ZNF800: variants seen among roughly 807,000 people sequenced by gnomAD.
ZNF800 encodes zinc finger protein 800.
In ZNF800, 13 loss-of-function variants were observed where a neutral mutation model predicts 59.5. The observed-to-expected ratio is 0.22, with a 90% CI of 0.14 to 0.35. The LOEUF is 0.35. Ranked by LOEUF, ZNF800 falls within the 10% of genes least tolerant of loss-of-function variation. The pLI, the probability that ZNF800 is intolerant of heterozygous loss-of-function variation, is 1.00. For missense variants in ZNF800, 621 were observed against 783.7 expected, an observed-to-expected ratio of 0.79 and a Z score of 2.48; for synonymous variants, 266 against 265.7, an observed-to-expected ratio of 1.00 and a Z score of -0.01.
In ZNF800 at chr7:127,377,099, T is replaced by C; in HGVS notation, c.301+87A>G. 8.4e-7 allele frequency: 1 copy of C among 1,193,036 alleles called. No homozygotes were observed. Among genetic ancestry groups the C allele is most frequent in the Non-Finnish European group, 1.2e-6 (1 of 867,050 alleles). The allele number at this position is 1,193,036 out of a possible 1,614,324, so 73.9% of individuals were successfully genotyped here. ...ACATCATTATCAAATTATCAGTAACTAGATACAATTTTAATGCAAATGTAT... is the reference window on the plus strand; with the variant it reads ...ACATCATTATCAAATTATCAGTAACCAGATACAATTTTAATGCAAATGTAT... On this transcript the variant is annotated intron_variant, in intron 4 of 5. Coordinates refer to ENST00000265827, the MANE Select transcript of ZNF800 (RefSeq NM_176814.5). This position sits in a 1 kb window ranked among gnomAD's most constrained non-coding sequence, Gnocchi z 4.7.
chr7:127,374,558 G>C lies in ZNF800; in HGVS notation c.778C>G (p.Leu260Val), dbSNP rs757954651. Reference sequence around the variant, plus strand: ...TTTCGTGTTTCAATGTACTTTTTTAGTTCTTCCATCTTTTTCTTGTGTACT... The same window carrying C: ...TTTCGTGTTTCAATGTACTTTTTTACTTCTTCCATCTTTTTCTTGTGTACT... Reference protein sequence around the residue: ...RKVHKKKMEELKKYIETRKNP... With the variant: ...RKVHKKKMEEVKKYIETRKNP... Residue 260 changes from leucine to valine, a missense_variant, in exon 5 of 6, where the codon CTA becomes GTA. By Grantham distance (32) the Leu-to-Val change is conservative (BLOSUM62 1). Coordinates refer to ENST00000265827, the MANE Select transcript of ZNF800 (RefSeq NM_176814.5). 6.2e-7 allele frequency: 1 copy of C among 1,614,080 alleles called. No individual in the cohort carries two copies.
chr7:127,343,408 T>C (rs942259248), downstream of ZNF800, among the ~76,000 whole-genome samples: 19 of 151,716 alleles, frequency 1.3e-4, no homozygotes, highest in African/African-American at 4.3e-4. Flanking sequence ...ATTATAATTA[T>C]ATATAGACAA....
rs889066625 is a variant in ZNF800, at chr7:127,357,413, C to T, written n.225-9370G>A. On this transcript the variant is annotated intron_variant and non_coding_transcript_variant, in intron 1 of 1. Transcript: ENST00000485577. ...GTACCTTTATTCCCTTAGACTCTGG[C>T]TATGGATACTAAATTACTTAAGTTT... Among the ~76,000 whole-genome samples the T allele has an allele frequency of 4.6e-5, 7 of 152,060 alleles. 1 individual carries two copies. Among genetic ancestry groups the T allele is most frequent in the Admixed American group, 2.0e-4 (3 of 15,240 alleles).
intron 1 of ZNF800, chr7:127,361,897 CATT>C (rs1800400202): frequency 6.6e-6 from 1 of 152,084 alleles, no homozygotes; most frequent in South Asian, 2.1e-4. Context: ...AACAGAGTTT[CATT>C]ATTAAGCTTT....
chr7:127,391,683 G>C, intron 1 of ZNF800, 68 bp from the exon 2 acceptor site: 1 of 788,992 alleles, frequency 1.3e-6, no homozygotes. Context: ...GCATTTTCCA[G>C]ATACGTTCCC....
intron 3 of ZNF800, among the ~76,000 whole-genome samples, chr7:127,384,131 TA>T (rs1801057536): frequency 6.6e-6 from 1 of 151,554 alleles, no homozygotes; most frequent in East Asian, 1.9e-4. Context: ...GAATCTTTTT[TA>T]ATTCTGTACC....
intron 1 of ZNF800, among the ~76,000 whole-genome samples, chr7:127,348,719 C>T (rs1800117217): frequency 6.6e-6 from 1 of 152,166 alleles, no homozygotes; most frequent in Non-Finnish European, 1.5e-5. Context: ...GGTGATAAAG[C>T]TGCAGGTAAC....
At chr7:127,376,815 T>C (rs1800800055) in intron 4 of ZNF800, among the ~76,000 whole-genome samples, 2 of 152,076 alleles carry the variant, frequency 1.3e-5, no homozygotes, top group South Asian at 2.1e-4. Flanking sequence ...TCACATCTGG[T>C]TGCAAGTTGT....
intron 1 of ZNF800, among the ~76,000 whole-genome samples, chr7:127,357,989 T>C (rs907218022): frequency 3.3e-5 from 5 of 152,040 alleles, no homozygotes; most frequent in Admixed American, 2.6e-4. Context: ...CTATTTATTC[T>C]TCCTGGTAAT....
chr7:127,357,330 A>G (rs1246190476), intron 1 of ZNF800, among the ~76,000 whole-genome samples: 1 of 152,078 alleles, frequency 6.6e-6, no homozygotes, highest in Non-Finnish European at 1.5e-5. Flanking sequence ...CCAGTCCAAA[A>G]AGTGCAGCTT....
At chr7:127,375,961 G>C (rs1483500669) in intron 4 of ZNF800, among the ~76,000 whole-genome samples, 1 of 151,878 alleles carries the variant, frequency 6.6e-6, no homozygotes, top group Non-Finnish European at 1.5e-5. Context: ...GCGAAGACAA[G>C]TACACAGTAA....
downstream of ZNF800, among the ~76,000 whole-genome samples, chr7:127,346,559 C>T (rs547373488): frequency 5.9e-5 from 9 of 152,104 alleles, no homozygotes; most frequent in South Asian, 2.1e-4. Context: ...TAAGCAAGGA[C>T]GAGAACGCAA....
At chr7:127,373,317 C>A in intron 5 of ZNF800, 25 bp downstream of exon 5, 1 of 1,535,144 alleles carries the variant, frequency 6.5e-7, no homozygotes, top group Non-Finnish European at 8.7e-7. Context: ...GGGAAAAAAG[C>A]AAAACTCTGT....
chr7:127,391,778 C>T (rs1309867383), intron 1 of ZNF800, among the ~76,000 whole-genome samples, 163 bp from the exon 2 acceptor site: 1 of 152,164 alleles, frequency 6.6e-6, no homozygotes, highest in Non-Finnish European at 1.5e-5. Flanking sequence ...CTCCTGCAGC[C>T]CAAACTCCCC....
Position 127,370,132 on chromosome 7 carries a change from A to G in ZNF800, c.*1682T>C, listed in dbSNP as rs1800595777. ...CCTACACATTTAGTTCCCTAAATAT[A>G]TTATACTATTAGTTATTAAAGTTAG... On this transcript the variant is annotated 3_prime_UTR_variant, in exon 6 of 6. Coordinates refer to ENST00000265827, the MANE Select transcript of ZNF800 (RefSeq NM_176814.5). 1 of 152,154 alleles carries G rather than the reference A, an allele frequency of 6.6e-6. No individual in the cohort carries two copies. The highest frequency in any genetic ancestry group is 6.5e-5 in the Admixed American group (1 of 15,272). 9.4% of individuals were successfully genotyped at this position (152,154 alleles called of 1,614,324 possible).
intron 1 of ZNF800, among the ~76,000 whole-genome samples, chr7:127,355,577 C>A (rs1265192932): frequency 6.6e-6 from 1 of 151,982 alleles, no homozygotes; most frequent in African/African-American, 2.4e-5. Flanking sequence ...ACGTAATAAG[C>A]AAAGTGGTGG....
intron 3 of ZNF800, among the ~76,000 whole-genome samples, chr7:127,382,104 T>C (rs565365692): frequency 6.6e-6 from 1 of 152,330 alleles, no homozygotes; most frequent in African/African-American, 2.4e-5. Flanking sequence ...ATATTCTACA[T>C]GTAGAATCTT....
intron 4 of ZNF800, among the ~76,000 whole-genome samples, chr7:127,375,452 AT>A (rs1195516053): frequency 1.3e-5 from 2 of 152,080 alleles, no homozygotes; most frequent in Non-Finnish European, 2.9e-5. Context: ...TAAAAATGGC[AT>A]TTTTTAGAAA....
downstream of ZNF800, among the ~76,000 whole-genome samples, chr7:127,343,733 G>A (rs1357368729): frequency 5.3e-5 from 8 of 151,782 alleles, no homozygotes; most frequent in Non-Finnish European, 1.5e-5. Flanking sequence ...CAAATAAAAT[G>A]TAAGAAATTG....
Sources: gnomAD v4.1 joint callset for allele counts (sites outside exome capture counted in the v4.1 genomes callset) on GRCh38, gnomAD v4.1.1 for gene constraint, Gnocchi (gnomAD v3.1) non-coding constraint, MANE v1.5 for transcripts, NCBI Gene and HGNC (gene_info 2026-07-23, HGNC 2026-07-21) for gene names.